Variants in DSCAM observed in about 807,000 individuals in gnomAD.
DSCAM encodes cell adhesion molecule DSCAM.
Under a neutral mutation model 217.7 loss-of-function variants are expected in DSCAM, and 47 were observed. The ratio of observed to expected loss-of-function variants is 0.22; its 90% CI spans 0.17 to 0.28. The LOEUF (loss-of-function observed/expected upper bound fraction) is 0.28. Ranked by LOEUF, DSCAM falls within the 10% of genes least tolerant of loss-of-function variation. DSCAM has a pLI of 1.00. For synonymous variants in DSCAM, 1,056 were observed against 1,015.3 expected (o/e 1.04, Z -0.76); for missense variants, 2,080 against 2,618.3 (o/e 0.79, Z 4.49).
chr21:40,441,247 G>A (rs1323595714), intron 3 of DSCAM, among the ~76,000 whole-genome samples: 1 of 152,178 alleles, frequency 6.6e-6, no homozygotes, highest in Non-Finnish European at 1.5e-5. Flanking sequence ...CAAGAAGACA[G>A]AGCCTTGTTG....
rs1261287776 is a variant in DSCAM, at chr21:40,347,731, G to A, written c.1149C>T (p.Tyr383=). 1.2e-6 allele frequency: 2 copies of A among 1,614,206 alleles called. No homozygotes were observed. Among genetic ancestry groups the A allele is most frequent in the Non-Finnish European group, 1.7e-6 (2 of 1,180,026 alleles). Residue 383 remains tyrosine (Y), a synonymous_variant, in exon 6 of 33, where the codon TAC becomes TAT. Coordinates refer to ENST00000400454, the MANE Select transcript of DSCAM (RefSeq NM_001389.5). ...GCTTGTCCTTGCGCACAAAGCACTG[G>A]TATGCGCCCCCGTCACTTTTGACCA... is the stretch of plus-strand genomic sequence containing the variant. ...DHMVKSDGGA[Y]QCFVRKDKLS... is the part of the protein sequence containing the mutation.
At chr21:40,662,294 T>C (rs1428423362) in intron 3 of DSCAM, among the ~76,000 whole-genome samples, 1 of 152,218 alleles carries the variant, frequency 6.6e-6, no homozygotes, top group Non-Finnish European at 1.5e-5. Flanking sequence ...TTTTCCTTTT[T>C]TTAATCCTCT....
intron 3 of DSCAM, among the ~76,000 whole-genome samples, chr21:40,645,918 T>C (rs1444258263): frequency 1.3e-5 from 2 of 152,134 alleles, no homozygotes; most frequent in African/African-American, 2.4e-5. Context: ...TAAAATACAA[T>C]GGGTGCAGAG....
chr21:40,778,666 T>C (rs1251075171), intron 1 of DSCAM, among the ~76,000 whole-genome samples: 5 of 151,942 alleles, frequency 3.3e-5, no homozygotes, highest in African/African-American at 1.2e-4. Context: ...TGTATAAGGA[T>C]GATAAAGTGT....
chr21:40,620,009 A>C (rs924174902), intron 3 of DSCAM, among the ~76,000 whole-genome samples: 5 of 113,436 alleles, frequency 4.4e-5, no homozygotes, highest in Middle Eastern at 4.0e-3. Context: ...AAGAGAGAGA[A>C]AAAAGAAAAA....
intron 3 of DSCAM, among the ~76,000 whole-genome samples, chr21:40,500,480 C>T (rs971708319): frequency 2.0e-5 from 3 of 152,170 alleles, no homozygotes; most frequent in African/African-American, 7.2e-5. Flanking sequence ...TATTGAATGT[C>T]AACTTAACTA....
chr21:40,799,072 A>C (rs530237661), intron 1 of DSCAM, among the ~76,000 whole-genome samples: 1 of 152,154 alleles, frequency 6.6e-6, no homozygotes, highest in Non-Finnish European at 1.5e-5. Flanking sequence ...GTTTGTAGGC[A>C]AAGGATGGTA....
chr21:40,137,411 G>C (rs1393876595), intron 18 of DSCAM, among the ~76,000 whole-genome samples: 2 of 152,062 alleles, frequency 1.3e-5, no homozygotes, highest in Non-Finnish European at 2.9e-5. Context: ...GTGAAGGAAG[G>C]CTATTTTCCT....
rs1352823857 is a variant in DSCAM, at chr21:40,144,631, A to G, written c.3119T>C (p.Val1040Ala). The change falls in exon 17 of 33, where the codon GTC becomes GCC. Residue 1040 changes from valine (V) to alanine (A), a missense_variant. Val to Ala is a moderately conservative substitution (Grantham distance 64). Transcript: ENST00000400454. This position sits in a 1 kb window ranked among gnomAD's most constrained non-coding sequence, Gnocchi z 4.8. ...GGNFQFNIISVDTSGDSEVYT... is the reference protein window; with the variant it reads ...GGNFQFNIISADTSGDSEVYT... ...AACCTCACTGTCCCCGCTGGTGTCG[A>G]CACTGATAATGTTGAATTGGAAGTT... is the stretch of plus-strand genomic sequence containing the variant. The G allele has an allele frequency of 6.2e-7, 1 of 1,614,076 alleles. No individual in the cohort carries two copies. The highest frequency in any genetic ancestry group is 1.7e-5 in the Admixed American group (1 of 60,022).
chr21:40,508,791 T>A (rs1315876776), intron 3 of DSCAM, among the ~76,000 whole-genome samples: 15 of 115,788 alleles, frequency 1.3e-4, no homozygotes, highest in East Asian at 2.7e-4. Flanking sequence ...ATATTTTTTT[T>A]TTTTTTTTTT....
intron 3 of DSCAM, among the ~76,000 whole-genome samples, chr21:40,666,552 GCTGCTT>G (rs2090202254): frequency 6.6e-6 from 1 of 152,200 alleles, no homozygotes; most frequent in African/African-American, 2.4e-5. Context: ...ATGGGCAATG[GCTGCTT>G]CTGCTTCTGC....
intron 4 of DSCAM, among the ~76,000 whole-genome samples, chr21:40,356,763 T>C (rs2074697886): frequency 1.3e-5 from 2 of 152,192 alleles, no homozygotes; most frequent in Non-Finnish European, 2.9e-5. Context: ...TGGACTTATA[T>C]ACAAGAGAGT....
At chr21:40,098,998 T>A (rs1054182444) in intron 20 of DSCAM, among the ~76,000 whole-genome samples, 1 of 152,222 alleles carries the variant, frequency 6.6e-6, no homozygotes, top group Non-Finnish European at 1.5e-5. Context: ...TGAGACTGTA[T>A]GTACTTGCAT....
At chr21:40,280,032 G>A (rs946292511) in intron 10 of DSCAM, among the ~76,000 whole-genome samples, 5 of 151,938 alleles carry the variant, frequency 3.3e-5, no homozygotes, top group Non-Finnish European at 5.9e-5. Flanking sequence ...AAACCTACAT[G>A]ATAGGTTGAT....
At chr21:40,546,341 A>G (rs1310711363) in intron 3 of DSCAM, among the ~76,000 whole-genome samples, 2 of 152,244 alleles carry the variant, frequency 1.3e-5, no homozygotes, top group Non-Finnish European at 2.9e-5. Flanking sequence ...AGTCAGTGAC[A>G]TCTCTGCCAG....
At chr21:40,235,711 C>A (rs1311758090) in intron 11 of DSCAM, among the ~76,000 whole-genome samples, 3 of 151,944 alleles carry the variant, frequency 2.0e-5, no homozygotes. Flanking sequence ...GCCTCACTCC[C>A]AAGGACATTG....
intron 3 of DSCAM, among the ~76,000 whole-genome samples, chr21:40,481,589 A>G (rs1473990677): frequency 1.3e-5 from 2 of 151,864 alleles, no homozygotes; most frequent in African/African-American, 2.4e-5. Context: ...CTCAGGAACA[A>G]TGAAATGGAC....
intron 11 of DSCAM, among the ~76,000 whole-genome samples, chr21:40,259,097 A>G (rs952012252): frequency 2.6e-5 from 4 of 152,250 alleles, no homozygotes; most frequent in Non-Finnish European, 5.9e-5. Context: ...TTGTCAACTT[A>G]AAAAGCAAAT....
intron 3 of DSCAM, among the ~76,000 whole-genome samples, chr21:40,405,822 C>T (rs2075275308): frequency 6.6e-6 from 1 of 152,054 alleles, no homozygotes; most frequent in Non-Finnish European, 1.5e-5. Flanking sequence ...CACAGCGAAA[C>T]CCCGTCTCTA....
Sources: gnomAD v4.1 joint callset for allele counts (sites outside exome capture counted in the v4.1 genomes callset) on GRCh38, gnomAD v4.1.1 for gene constraint, Gnocchi (gnomAD v3.1) non-coding constraint, MANE v1.5 for transcripts, NCBI Gene and HGNC (gene_info 2026-07-23, HGNC 2026-07-21) for gene names.